Variants in SLBP observed in about 807,000 individuals in gnomAD.
SLBP encodes the protein stem-loop histone mRNA binding protein.
In SLBP, 29 loss-of-function variants were observed where a neutral mutation model predicts 39.2. That is an observed-to-expected ratio of 0.74 (90% CI 0.55 to 1.01). The LOEUF (loss-of-function observed/expected upper bound fraction) is 1.01. Among genes scored for constraint, SLBP ranks in the 50% least tolerant of loss-of-function variants. SLBP has a pLI of 0.00. For synonymous variants in SLBP, 129 were observed against 118.7 expected (o/e 1.09, Z -0.57); for missense variants, 390 against 350.2 (o/e 1.11, Z -0.91).
Position 1,694,765 on chromosome 4 carries a change from A to G in SLBP, c.696+9T>C, listed in dbSNP as rs1192306359. ...CCCCCAAGCTGAAAGACTTATCCAA[A>G]GTACTTACAAAGTCATCCTGAGAGC... On this transcript the variant is annotated intron_variant, in intron 7 of 7. Coordinates refer to ENST00000489418, the MANE Select transcript of SLBP (RefSeq NM_006527.4). 1.2e-6 allele frequency: 2 copies of G among 1,601,984 alleles called. No individual in the cohort carries two copies. The highest frequency in any genetic ancestry group is 1.7e-6 in the Non-Finnish European group (2 of 1,168,890).
At chr4:1,695,200 C>A (rs1716062013) in intron 6 of SLBP, among the ~76,000 whole-genome samples, 1 of 152,140 alleles carries the variant, frequency 6.6e-6, no homozygotes, top group Admixed American at 6.6e-5. Flanking sequence ...GAGAATGGGA[C>A]AATGGTGTCA....
At chr4:1,702,511 T>G (rs1309592533) in intron 3 of SLBP, among the ~76,000 whole-genome samples, 3 of 152,220 alleles carry the variant, frequency 2.0e-5, no homozygotes, top group African/African-American at 7.2e-5. Flanking sequence ...CTTGAGACCC[T>G]GTTTATCAGC....
intron 2 of SLBP, among the ~76,000 whole-genome samples, chr4:1,705,686 T>C (rs1434383103): frequency 1.3e-5 from 2 of 152,246 alleles, no homozygotes; most frequent in Non-Finnish European, 2.9e-5. Context: ...CAGCAAATTG[T>C]CCACTCTGCA....
At chr4:1,708,085 GAAAA>G (rs35817560) in intron 2 of SLBP, among the ~76,000 whole-genome samples, 1 of 111,430 alleles carries the variant, frequency 9.0e-6, no homozygotes, top group African/African-American at 3.4e-5. Flanking sequence ...TCTCAAAAAC[GAAAA>G]AAAAAAAAAA....
intron 5 of SLBP, among the ~76,000 whole-genome samples, chr4:1,698,134 G>A (rs1476619393): frequency 6.6e-6 from 1 of 151,870 alleles, no homozygotes; most frequent in Non-Finnish European, 1.5e-5. Flanking sequence ...GGCAGAGACA[G>A]ACGGATCACG....
chr4:1,699,064 C>A (rs2109118961), intron 5 of SLBP, among the ~76,000 whole-genome samples: 1 of 152,282 alleles, frequency 6.6e-6, no homozygotes, highest in East Asian at 1.9e-4. Context: ...CAAGCATGAG[C>A]CATTGCACCT....
chr4:1,701,012 G>C (rs1485951747), intron 3 of SLBP, among the ~76,000 whole-genome samples: 5 of 152,096 alleles, frequency 3.3e-5, no homozygotes, highest in Admixed American at 3.3e-4. Flanking sequence ...AGTAGCACTG[G>C]CTATATAACA....
At chr4:1,696,094 C>A (rs1716093950) in intron 6 of SLBP, 108 bp downstream of exon 6, 2 of 936,728 alleles carry the variant, frequency 2.1e-6, no homozygotes, top group Non-Finnish European at 3.1e-6. Flanking sequence ...TGCTCCCCAA[C>A]AGCTGCTGGG....
chr4:1,711,976 G>GC lies in SLBP; in HGVS notation c.73dup (p.Ala25GlyfsTer40), dbSNP rs1353906032. The GC allele has an allele frequency of 7.7e-7, 1 of 1,296,760 alleles. No homozygotes were observed. Among genetic ancestry groups the GC allele is most frequent in the Non-Finnish European group, 9.8e-7 (1 of 1,022,832 alleles). 80.3% of individuals were successfully genotyped at this position (1,296,760 alleles called of 1,614,324 possible). A position where few individuals can be genotyped will look rare whatever the true frequency, so the allele number is the denominator to read the frequency against. On this transcript the variant is annotated frameshift_variant, in exon 2 of 8. Transcript: ENST00000489418. LOFTEE classifies it high-confidence loss of function. ...GCGCTTCCGTCCCAGGCTCCATCGC[G>GC]CGGGGGACGGCGGGCTGCGGGGAGG...
At chr4:1,699,125 A>G (rs1317857474) in intron 5 of SLBP, among the ~76,000 whole-genome samples, 1 of 152,182 alleles carries the variant, frequency 6.6e-6, no homozygotes, top group Non-Finnish European at 1.5e-5. Flanking sequence ...GTTCAGGAAA[A>G]CACTAAAGCT....
At position 1,712,021 on chromosome 4, in the gene SLBP, G is replaced by C. The variant is rs978769407; in HGVS notation, c.60-31C>G. ...GGGAGGGACGCGGTCGGCTGGGCAC[G>C]GGAGGTTCGGGACCGCCTTACAACC... is the stretch of plus-strand genomic sequence containing the variant. On this transcript the variant is annotated intron_variant, in intron 1 of 7. Coordinates refer to ENST00000489418, the MANE Select transcript of SLBP (RefSeq NM_006527.4). 2.5e-4 allele frequency: 317 copies of C among 1,266,902 alleles called. 1 individual carries two copies. Among genetic ancestry groups the C allele is most frequent in the Non-Finnish European group, 2.9e-4 (295 of 1,003,748 alleles). The allele number at this position is 1,266,902 out of a possible 1,614,324, so 78.5% of individuals were successfully genotyped here.
chr4:1,696,394 C>G, intron 5 of SLBP, 43 bp from the exon 6 acceptor site: 1 of 1,451,982 alleles, frequency 6.9e-7, no homozygotes, highest in Non-Finnish European at 9.2e-7. Context: ...ACATGCCACT[C>G]ACATTTCCAC....
At chr4:1,708,762 G>C (rs754109394) in intron 2 of SLBP, among the ~76,000 whole-genome samples, 4 of 152,220 alleles carry the variant, frequency 2.6e-5, no homozygotes, top group African/African-American at 7.2e-5. Flanking sequence ...ACCTTCCAAA[G>C]AGTACTTCTA....
Position 1,693,379 on chromosome 4 carries a change from G to A in SLBP, c.*218C>T. On this transcript the variant is annotated 3_prime_UTR_variant, in exon 8 of 8. Transcript: ENST00000489418. The stretch of plus-strand genomic sequence containing the variant: ...GGAAGAGAGCTTCAAGTACTTTCTT[G>A]GACTTAGCTCCATTTACAATTTAAA... The A allele has an allele frequency of 2.1e-6, 1 of 467,714 alleles. No individual in the cohort carries two copies. The highest frequency in any genetic ancestry group is 3.9e-6 in the Non-Finnish European group (1 of 258,344). The allele number at this position is 467,714 out of a possible 1,614,324, so 29.0% of individuals were successfully genotyped here.
intron 2 of SLBP, among the ~76,000 whole-genome samples, chr4:1,704,579 A>T (rs2108662374): frequency 1.3e-5 from 2 of 152,216 alleles, no homozygotes; most frequent in Non-Finnish European, 2.9e-5. Flanking sequence ...GCACATCTAG[A>T]CAGATGTGTG....
chr4:1,711,981 G>A lies in SLBP; in HGVS notation c.69C>T (p.Ser23=), dbSNP rs2108668648. The A allele has an allele frequency of 7.7e-7, 1 of 1,297,112 alleles. No homozygotes were observed. The highest frequency in any genetic ancestry group is 9.8e-7 in the Non-Finnish European group (1 of 1,022,922). 80.4% of individuals were successfully genotyped at this position (1,297,112 alleles called of 1,614,324 possible). ...TCCGTCCCAGGCTCCATCGCGCGGGGGACGGCGGGCTGCGGGGAGGGACGC... is the reference window on the plus strand; with the variant it reads ...TCCGTCCCAGGCTCCATCGCGCGGGAGACGGCGGGCTGCGGGGAGGGACGC... ...SRCDGDASPP[S]PARWSLGRKR... The change falls in exon 2 of 8, where the codon TCC becomes TCT. Residue 23 remains serine, a synonymous_variant. Coordinates refer to ENST00000489418, the MANE Select transcript of SLBP (RefSeq NM_006527.4).
At chr4:1,711,007 C>A (rs969849708) in intron 2 of SLBP, among the ~76,000 whole-genome samples, 1 of 147,082 alleles carries the variant, frequency 6.8e-6, no homozygotes, top group South Asian at 2.1e-4. Flanking sequence ...GCCAAGATCG[C>A]GTCACCGCAC....
At position 1,694,826 on chromosome 4, in the gene SLBP, A is replaced by G; in HGVS notation, c.644T>C (p.Leu215Pro). 1 of 1,613,144 alleles carries G rather than the reference A, an allele frequency of 6.2e-7. No homozygotes were observed. Among genetic ancestry groups the G allele is most frequent in the Non-Finnish European group, 8.5e-7 (1 of 1,179,076 alleles). ...CTCGGAGCTGCTTTCTGCAGATTCA[A>G]GGTCTACAGGGTGTCTGTTAAACAA... ...CDLQEIHPVD[L>P]ESAESSSEPQ... Residue 215 changes from leucine (L) to proline (P), a missense_variant, in exon 7 of 8, where the codon CTT (leucine) becomes CCT (proline). By Grantham distance (98) the Leu-to-Pro change is moderately conservative. Transcript: ENST00000489418.
At chr4:1,708,157 C>A (rs1716595403) in intron 2 of SLBP, among the ~76,000 whole-genome samples, 2 of 151,214 alleles carry the variant, frequency 1.3e-5, no homozygotes, top group Admixed American at 6.6e-5. Flanking sequence ...GAGGCTGAAG[C>A]AGGAGAACTG....
Sources: allele counts gnomAD v4.1 joint callset (sites outside exome capture counted in the v4.1 genomes callset), GRCh38; gene constraint gnomAD v4.1.1; transcripts MANE v1.5; gene names NCBI Gene and HGNC (gene_info 2026-07-23, HGNC 2026-07-21).